SMG7: variants seen among roughly 807,000 people sequenced by gnomAD.
SMG7 encodes the protein nonsense-mediated mRNA decay factor SMG7.
In SMG7, 34 loss-of-function variants were observed where a neutral mutation model predicts 148.2. That is an observed-to-expected ratio of 0.23 (90% CI 0.17 to 0.31). SMG7 has a LOEUF of 0.31. Among genes scored for constraint, SMG7 ranks in the 10% least tolerant of loss-of-function variants. The probability of loss-of-function intolerance (pLI) is 1.00; values close to 1 mark genes in which losing one functional copy is unlikely to be tolerated. For synonymous variants in SMG7, 492 were observed against 515.1 expected (o/e 0.96, Z 0.61); for missense variants, 1,114 against 1,408.4 (o/e 0.79, Z 3.35).
intron 18 of SMG7, among the ~76,000 whole-genome samples, chr1:183,548,546 A>C (rs12078529): frequency 6.6e-6 from 1 of 152,136 alleles, no homozygotes; most frequent in Admixed American, 6.5e-5. Context: ...AACTTCGACT[A>C]TAACCCTTCC....
In SMG7 at chr1:183,547,132, G is replaced by A. The variant is rs1231128340; in HGVS notation, c.2772G>A (p.Pro924=). ...EDPKSSPLLP[P]DLLKSLAALE... is the part of the protein sequence containing the mutation. ...CCAAGAGCTCCCCTCTGCTTCCTCC[G>A]GACCTGTTAAAGAGTCTGGCTGCCT... The change falls in exon 18 of 23, where the codon CCG becomes CCA. Residue 924 remains proline (P), a synonymous_variant. Transcript: ENST00000688051. 1.5e-5 allele frequency: 24 copies of A among 1,550,360 alleles called. No homozygotes were observed. The highest frequency in any genetic ancestry group is 1.5e-4 in the East Asian group (6 of 40,908).
chr1:183,503,385 A>G (rs915813683), intron 1 of SMG7, among the ~76,000 whole-genome samples: 6 of 152,172 alleles, frequency 3.9e-5, no homozygotes, highest in African/African-American at 1.4e-4. Context: ...GTATTTGTTA[A>G]ATAACGTAAT....
intron 1 of SMG7, among the ~76,000 whole-genome samples, chr1:183,512,483 G>C (rs182033670): frequency 6.6e-6 from 1 of 152,138 alleles, no homozygotes; most frequent in South Asian, 2.1e-4. Context: ...GAGAAACATA[G>C]TAGGTTTTTT....
chr1:183,544,962 C>G lies in SMG7; in HGVS notation c.2020C>G (p.Pro674Ala), dbSNP rs1467816607. The change falls in exon 16 of 23, where the codon CCT (proline) becomes GCT (alanine). Residue 674 changes from proline to alanine, a missense_variant. Around this residue, in one of 4 missense-constraint regions of SMG7, gnomAD observed 788 missense variants for 894.5 expected, o/e 0.88. Transcript: ENST00000688051. ...GCCCCCAACATATGTTATCCCCCCG[C>G]CTGTGGCATTTTCTATGGGCTCAGG... ...FPPPTYVIPP[P>A]VAFSMGSGYT... 1 of 1,613,912 alleles carries G rather than the reference C, an allele frequency of 6.2e-7. No homozygotes were observed. Among genetic ancestry groups the G allele is most frequent in the Admixed American group, 1.7e-5 (1 of 60,008 alleles).
chr1:183,492,784 G>A (rs1242946817), intron 1 of SMG7, among the ~76,000 whole-genome samples: 2 of 151,646 alleles, frequency 1.3e-5, no homozygotes, highest in African/African-American at 4.8e-5. Flanking sequence ...AGATGCTTAG[G>A]TAGATGCTTA....
At chr1:183,536,222 G>T (rs1667765563) in intron 10 of SMG7, among the ~76,000 whole-genome samples, 1 of 151,998 alleles carries the variant, frequency 6.6e-6, no homozygotes, top group South Asian at 2.1e-4. Flanking sequence ...GAAAATCAAA[G>T]TAATTGTTTC....
chr1:183,486,223 T>G (rs920923396), intron 1 of SMG7, among the ~76,000 whole-genome samples: 1 of 152,242 alleles, frequency 6.6e-6, no homozygotes, highest in Non-Finnish European at 1.5e-5. Flanking sequence ...AAATGTTGGC[T>G]AATAATATAT....
chr1:183,499,094 G>A (rs370061651), intron 1 of SMG7, among the ~76,000 whole-genome samples: 2 of 152,228 alleles, frequency 1.3e-5, no homozygotes, highest in East Asian at 1.9e-4. Flanking sequence ...TTTTTAGTGC[G>A]AAATAATAAT....
At chr1:183,512,806 C>CTATTT in intron 1 of SMG7, 31 bp from the exon 2 acceptor site, 1 of 1,273,934 alleles carries the variant, frequency 7.8e-7, no homozygotes, top group East Asian at 2.7e-5. Flanking sequence ...CTAACTGATA[C>CTATTT]TCTTTTTTTT....
chr1:183,539,030 G>C (rs1472132177), intron 12 of SMG7, among the ~76,000 whole-genome samples: 1 of 151,866 alleles, frequency 6.6e-6, no homozygotes, highest in African/African-American at 2.4e-5. Context: ...GGTGCCTATA[G>C]TCCCAGCTAC....
intron 10 of SMG7, among the ~76,000 whole-genome samples, chr1:183,534,933 T>C (rs533854980): frequency 1.3e-5 from 2 of 152,178 alleles, no homozygotes; most frequent in South Asian, 4.1e-4. Flanking sequence ...CCATGATATA[T>C]TGACATTATC....
intron 20 of SMG7, among the ~76,000 whole-genome samples, 158 bp from the exon 21 acceptor site, chr1:183,550,593 T>A (rs1373040578): frequency 6.6e-6 from 1 of 152,222 alleles, no homozygotes; most frequent in African/African-American, 2.4e-5. Flanking sequence ...AATTAGTGCA[T>A]CTAGCAGATC....
chr1:183,529,587 A>G (rs903323590), intron 8 of SMG7, 54 bp downstream of exon 8: 3 of 1,487,020 alleles, frequency 2.0e-6, no homozygotes, highest in Non-Finnish European at 2.8e-6. Flanking sequence ...GAAGCATAAC[A>G]TTTGGAGGAA....
chr1:183,537,501 C>T (rs1668002878), intron 11 of SMG7, among the ~76,000 whole-genome samples: 1 of 152,182 alleles, frequency 6.6e-6, no homozygotes, highest in African/African-American at 2.4e-5. Flanking sequence ...TTAAAAAAAG[C>T]AATTAACATG....
At chr1:183,514,866 T>C (rs1368000825) in intron 2 of SMG7, among the ~76,000 whole-genome samples, 3 of 152,220 alleles carry the variant, frequency 2.0e-5, no homozygotes, top group Non-Finnish European at 4.4e-5. Context: ...GAGCATTAAC[T>C]CAAATCCAGG....
intron 18 of SMG7, among the ~76,000 whole-genome samples, chr1:183,547,881 G>A (rs781039833): frequency 6.6e-6 from 1 of 152,088 alleles, no homozygotes; most frequent in African/African-American, 2.4e-5. Context: ...AACTCAGCCT[G>A]CATTTCAAAG....
chr1:183,546,695 G>A (rs145562710), intron 17 of SMG7, among the ~76,000 whole-genome samples: 13 of 152,340 alleles, frequency 8.5e-5, no homozygotes, highest in Non-Finnish European at 1.8e-4. Flanking sequence ...TGCTCTCTGA[G>A]AGGAACAAGG....
Position 183,533,686 on chromosome 1 carries a change from T to A in SMG7, c.1017T>A (p.Leu339=). The change falls in exon 10 of 23, where the codon CTT becomes CTA. Residue 339 remains leucine, a synonymous_variant. Transcript: ENST00000688051. The part of the protein sequence containing the change: ...TQLLALFMSF[L]GILCKCPLQN... Reference sequence around the variant, plus strand: ...CATTTTTTTTTCAAGTGTCTTTTCTTGGCATCCTGTGCAAGTGTCCTCTAC... The same window carrying A: ...CATTTTTTTTTCAAGTGTCTTTTCTAGGCATCCTGTGCAAGTGTCCTCTAC... 1 of 1,599,864 alleles carries A rather than the reference T, an allele frequency of 6.3e-7. No individual in the cohort carries two copies. Among genetic ancestry groups the A allele is most frequent in the Non-Finnish European group, 8.5e-7 (1 of 1,174,764 alleles).
chr1:183,490,057 GA>G (rs1242741103), intron 1 of SMG7, among the ~76,000 whole-genome samples: 7 of 152,028 alleles, frequency 4.6e-5, no homozygotes, highest in African/African-American at 1.7e-4. Flanking sequence ...GCTAGTTTTT[GA>G]AAAAACACTG....
Sources: gnomAD v4.1 joint callset for allele counts (sites outside exome capture counted in the v4.1 genomes callset) on GRCh38, gnomAD v4.1.1 for gene constraint, gnomAD v4.1.1 regional missense constraint, MANE v1.5 for transcripts, NCBI Gene and HGNC (gene_info 2026-07-23, HGNC 2026-07-21) for gene names.